CACHD1: variants seen among roughly 807,000 people sequenced by gnomAD.
CACHD1 encodes the protein VWFA and cache domain-containing protein 1.
A neutral mutation model predicts 138.7 loss-of-function variants in CACHD1; 71 were observed. The ratio of observed to expected loss-of-function variants is 0.51; its 90% CI spans 0.42 to 0.62. CACHD1 has a LOEUF of 0.62. Ranked by LOEUF, CACHD1 falls within the 20% of genes least tolerant of loss-of-function variation. The pLI is 0.00. For missense variants in CACHD1, 1,389 were observed against 1,625.3 expected (o/e 0.85, Z 2.50); for synonymous variants, 578 against 591.5 (o/e 0.98, Z 0.33).
rs148130399 is a variant in CACHD1 at position 64,517,731 on chromosome 1, A to G, written c.199-32863A>G. Among the ~76,000 whole-genome samples, 4 of 152,234 alleles carry G rather than the reference A, an allele frequency of 2.6e-5. No individual in the cohort carries two copies. In the East Asian group the frequency reaches 7.7e-4, roughly 29 times the overall value. ...TGATTGACTTTAGATTAAAATTGTG[A>G]TCATTATCACCATGAGCTTCTCCTC... is the stretch of plus-strand genomic sequence containing the variant. On this transcript the variant is annotated intron_variant, in intron 1 of 26. Coordinates refer to ENST00000651257, the MANE Select transcript of CACHD1 (RefSeq NM_020925.4).
At chr1:64,620,823 G>A (rs1647887376) in intron 4 of CACHD1, among the ~76,000 whole-genome samples, 1 of 152,044 alleles carries the variant, frequency 6.6e-6, no homozygotes, top group Admixed American at 6.6e-5. Flanking sequence ...TGTTTTATTT[G>A]TATGCTTTAC....
At chr1:64,633,335 C>A (rs1215772595) in intron 6 of CACHD1, among the ~76,000 whole-genome samples, 1 of 152,026 alleles carries the variant, frequency 6.6e-6, no homozygotes, top group Non-Finnish European at 1.5e-5. Flanking sequence ...AGGAAGCAGC[C>A]ACAAATCCAA....
intron 1 of CACHD1, among the ~76,000 whole-genome samples, chr1:64,544,846 T>A (rs535198297): frequency 6.6e-6 from 1 of 152,296 alleles, no homozygotes; most frequent in East Asian, 1.9e-4. Flanking sequence ...TGAAACTCAG[T>A]AAAGATACCC....
intron 9 of CACHD1, among the ~76,000 whole-genome samples, chr1:64,649,856 G>C (rs1649031645): frequency 6.6e-6 from 1 of 152,114 alleles, no homozygotes; most frequent in African/African-American, 2.4e-5. Flanking sequence ...TCAGTGATTG[G>C]TTTGCAGATC....
chr1:64,678,260 G>A lies in CACHD1; in HGVS notation c.3194G>A (p.Gly1065Glu), dbSNP rs953504835. The change falls in exon 23 of 27, where the codon GGG (glycine) becomes GAG (glutamate). Residue 1065 changes from glycine to glutamate, a missense_variant. By Grantham distance (98) the Gly-to-Glu change is moderately conservative. Transcript: ENST00000651257. ...PYCAPQKECF[G>E]GIVGAKSPYV... ...TGTGCCCCCCAGAAAGAATGCTTCG[G>A]GGGGATTGTGGGAGCCAAAAGTCCC... 5 of 1,603,242 alleles carry A rather than the reference G, an allele frequency of 3.1e-6. No individual in the cohort carries two copies. The highest frequency in any genetic ancestry group is 1.3e-5 in the African/African-American group (1 of 74,272).
At chr1:64,645,379 A>G (rs1353274273) in intron 8 of CACHD1, among the ~76,000 whole-genome samples, 42 of 152,322 alleles carry the variant, frequency 2.8e-4, no homozygotes, top group African/African-American at 2.4e-5. Flanking sequence ...GGGGTGATTC[A>G]TACCTCGATT....
intron 3 of CACHD1, among the ~76,000 whole-genome samples, chr1:64,598,157 A>C (rs1426356571): frequency 1.3e-5 from 2 of 152,156 alleles, no homozygotes; most frequent in African/African-American, 4.8e-5. Context: ...AAGGGTAGAA[A>C]GATAAGCACT....
chr1:64,567,291 G>C (rs553693067), intron 2 of CACHD1, among the ~76,000 whole-genome samples: 2 of 151,560 alleles, frequency 1.3e-5, no homozygotes, highest in Non-Finnish European at 2.9e-5. Context: ...AATCTCTTGA[G>C]GGTGATGCCC....
At chr1:64,652,074 C>G in intron 9 of CACHD1, 87 bp from the exon 10 acceptor site, 1 of 1,171,734 alleles carries the variant, frequency 8.5e-7, no homozygotes, top group Non-Finnish European at 1.2e-6. Flanking sequence ...CTGATAGAAG[C>G]CTTCATGATT....
At chr1:64,668,335 A>G (rs1649704890) in intron 16 of CACHD1, among the ~76,000 whole-genome samples, 1 of 151,458 alleles carries the variant, frequency 6.6e-6, no homozygotes, top group South Asian at 2.1e-4. Context: ...TCAAAAAAAA[A>G]AAAAAAGAAA....
At chr1:64,483,097 A>G (rs113473361) in intron 1 of CACHD1, among the ~76,000 whole-genome samples, 135 of 152,330 alleles carry the variant, frequency 8.9e-4, no homozygotes, top group African/African-American at 3.0e-3. Flanking sequence ...GGAAATGTCT[A>G]GGGTCTTTAT....
intron 4 of CACHD1, among the ~76,000 whole-genome samples, chr1:64,609,640 T>C (rs914271781): frequency 6.6e-6 from 1 of 152,194 alleles, no homozygotes; most frequent in Non-Finnish European, 1.5e-5. Context: ...TTGTTAGCCA[T>C]ATACTGGCAT....
intron 1 of CACHD1, among the ~76,000 whole-genome samples, chr1:64,531,978 C>T (rs184382950): frequency 1.3e-5 from 2 of 152,102 alleles, no homozygotes; most frequent in African/African-American, 4.8e-5. Context: ...TCCCTGTGTT[C>T]TAGAAACTCA....
intron 1 of CACHD1, among the ~76,000 whole-genome samples, chr1:64,536,650 A>G (rs1646634978): frequency 6.6e-6 from 1 of 152,170 alleles, no homozygotes. Context: ...TACCTCCTGC[A>G]CGCTTGATTT....
In CACHD1 at chr1:64,470,733, G is replaced by A. The variant is rs1646138141; in HGVS notation, c.-12G>A. The A allele has an allele frequency of 3.4e-6, 2 of 586,592 alleles. No homozygotes were observed. Among genetic ancestry groups the A allele is most frequent in the Admixed American group, 3.7e-5 (1 of 27,056 alleles). 36.3% of individuals were successfully genotyped at this position (586,592 alleles called of 1,614,324 possible). A position where few individuals can be genotyped will look rare whatever the true frequency, so the allele number is the denominator to read the frequency against. On this transcript the variant is annotated 5_prime_UTR_variant, in exon 1 of 27. Transcript: ENST00000651257. The surrounding 1 kb of genome is among the most constrained non-coding windows in gnomAD (Gnocchi z 5.2). ...GCCCGGAGCCCGTCGGCGGGGAGTG[G>A]GGGGAGGCAGCATGGCCCGCCAGCC...
chr1:64,472,683 CAG>C (rs1260491106), intron 1 of CACHD1, among the ~76,000 whole-genome samples: 1 of 152,120 alleles, frequency 6.6e-6, no homozygotes, highest in Non-Finnish European at 1.5e-5. Context: ...ATTAAAAAAA[CAG>C]TGGTGAATAT....
At chr1:64,630,489 C>A (rs555853637) in intron 5 of CACHD1, among the ~76,000 whole-genome samples, 1 of 152,002 alleles carries the variant, frequency 6.6e-6, no homozygotes, top group African/African-American at 2.4e-5. Context: ...TTAGTAGAGA[C>A]GAAGTTTTGC....
At position 64,641,969 on chromosome 1, in the gene CACHD1, G is replaced by A. The variant is rs780696050; in HGVS notation, c.1156G>A (p.Asp386Asn). ...GATTCTCACCTATGCCCTCATGAAC[G>A]GTAGGTAGAGTTTCAAGATATTCCT... ...VMILTYALMN[D>N]GVTGLKELAF... Residue 386 changes from aspartate to asparagine, a missense_variant and splice_region_variant, in exon 8 of 27, where the codon GAT becomes AAT. Asp to Asn is a conservative substitution (Grantham distance 23, BLOSUM62 1). Around this residue, in one of 5 missense-constraint regions of CACHD1, gnomAD observed 1,000 missense variants for 1,114.7 expected, o/e 0.90. Coordinates refer to ENST00000651257, the MANE Select transcript of CACHD1 (RefSeq NM_020925.4). The A allele has an allele frequency of 1.7e-5, 27 of 1,552,914 alleles. 1 individual carries two copies. Among genetic ancestry groups the A allele is most frequent in the South Asian group, 1.4e-4 (11 of 80,180 alleles).
chr1:64,492,812 A>C (rs1193820996), intron 1 of CACHD1, among the ~76,000 whole-genome samples: 3 of 152,168 alleles, frequency 2.0e-5, no homozygotes, highest in African/African-American at 7.2e-5. Flanking sequence ...TTGATGTGAA[A>C]AGAACAGGAA....
Sources: allele counts gnomAD v4.1 joint callset (sites outside exome capture counted in the v4.1 genomes callset), GRCh38; gene constraint gnomAD v4.1.1; regional missense constraint gnomAD v4.1.1; non-coding constraint Gnocchi (gnomAD v3.1); transcripts MANE v1.5; gene names NCBI Gene and HGNC (gene_info 2026-07-23, HGNC 2026-07-21).